MOGAT1: variants seen among roughly 807,000 people sequenced by gnomAD.
MOGAT1 encodes the protein 2-acylglycerol O-acyltransferase 1.
Under a neutral mutation model 31.4 loss-of-function variants are expected in MOGAT1, and 32 were observed. The observed-to-expected ratio is 1.02, with a 90% CI of 0.77 to 1.37. The LOEUF (loss-of-function observed/expected upper bound fraction) is 1.37, where lower values mean the gene tolerates loss of function less well. Ranked by LOEUF, MOGAT1 falls within the 40% of genes most tolerant of loss-of-function variation. The pLI is 0.00. For missense variants in MOGAT1, 426 were observed against 402.0 expected (o/e 1.06, Z -0.51); for synonymous variants, 145 against 144.5 (o/e 1.00, Z -0.03).
At chr2:222,704,116 T>C (rs772139507) in intron 5 of MOGAT1, among the ~76,000 whole-genome samples, 2 of 152,224 alleles carry the variant, frequency 1.3e-5, no homozygotes, top group Non-Finnish European at 2.9e-5. Flanking sequence ...CTGTCACAAG[T>C]AGGCGTTGGC....
At chr2:222,675,681 G>A (rs898305845) in intron 1 of MOGAT1, among the ~76,000 whole-genome samples, 9 of 151,846 alleles carry the variant, frequency 5.9e-5, no homozygotes, top group Non-Finnish European at 8.8e-5. Context: ...GGGTTTCACC[G>A]TGTTAGCCAG....
At chr2:222,703,735 C>T (rs944991331) in intron 5 of MOGAT1, among the ~76,000 whole-genome samples, 1 of 152,166 alleles carries the variant, frequency 6.6e-6, no homozygotes, top group East Asian at 1.9e-4. Context: ...CTCTAATATA[C>T]AGCTATGTAG....
chr2:222,686,404 C>T (rs1336541683), intron 1 of MOGAT1, among the ~76,000 whole-genome samples: 1 of 152,228 alleles, frequency 6.6e-6, no homozygotes, highest in Non-Finnish European at 1.5e-5. Context: ...ACTATTCTTT[C>T]CCTGCCCTAT....
rs747143140 is a variant in MOGAT1 at position 222,688,421 on chromosome 2, C to T, written c.172C>T (p.Leu58Phe). ...CCTTTACATCCCTTATTTGATGTGG[C>T]TTTACTTTGACTGGCATACCCCAGA... ...LFLYIPYLMW[L>F]YFDWHTPERG... The change falls in exon 2 of 6, where the codon CTT becomes TTT. Residue 58 changes from leucine to phenylalanine, a missense_variant. By Grantham distance (22) the Leu-to-Phe change is conservative. Coordinates refer to ENST00000446656, the MANE Select transcript of MOGAT1 (RefSeq NM_058165.3). The T allele has an allele frequency of 1.9e-6, 3 of 1,613,648 alleles. No individual in the cohort carries two copies. The South Asian group carries it at 3.3e-5, about 18-fold the overall frequency.
intron 1 of MOGAT1, among the ~76,000 whole-genome samples, chr2:222,685,371 C>T (rs1464231938): frequency 1.3e-5 from 2 of 152,086 alleles, no homozygotes; most frequent in Non-Finnish European, 2.9e-5. Flanking sequence ...CTGTCATAAG[C>T]CCATTTTACT....
rs1692811751 is a variant in MOGAT1, at chr2:222,694,472, C to T, written c.589C>T (p.Pro197Ser). 1 of 1,613,880 alleles carries T rather than the reference C, an allele frequency of 6.2e-7. No individual in the cohort carries two copies. Among genetic ancestry groups the T allele is most frequent in the Non-Finnish European group, 8.5e-7 (1 of 1,179,846 alleles). ...GGAKESLDAH[P>S]GKFTLFIRQR... ...TGCAAAAGAATCACTGGATGCTCAT[C>T]CTGGAAAGTTCACTCTGTTCATCCG... is the stretch of plus-strand genomic sequence containing the variant. Residue 197 changes from proline to serine, a missense_variant, in exon 4 of 6, where the codon CCT becomes TCT. By Grantham distance (74) the Pro-to-Ser change is moderately conservative (BLOSUM62 -1). Transcript: ENST00000446656.
rs148652189 is a variant in MOGAT1 at position 222,689,573 on chromosome 2, A to T, written c.478+104A>T. On this transcript the variant is annotated intron_variant, in intron 3 of 5. Coordinates refer to ENST00000446656, the MANE Select transcript of MOGAT1 (RefSeq NM_058165.3). The stretch of plus-strand genomic sequence containing the variant: ...TGTGTTTATGGTCTCTTAGAGTAAA[A>T]CCTGTTTTATCCTCATCTGGCACTT... 2.4e-5 allele frequency: 26 copies of T among 1,095,000 alleles called. No individual in the cohort carries two copies. The African/African-American group carries it at 3.4e-4, about 14-fold the overall frequency. The allele number at this position is 1,095,000 out of a possible 1,614,324, so 67.8% of individuals were successfully genotyped here.
chr2:222,687,377 C>T (rs1024253784), intron 1 of MOGAT1, among the ~76,000 whole-genome samples: 1 of 152,066 alleles, frequency 6.6e-6, no homozygotes, highest in Non-Finnish European at 1.5e-5. Context: ...AAAGCAGCAA[C>T]GGCATTCCTT....
At chr2:222,691,920 T>G (rs1469961749) in intron 3 of MOGAT1, among the ~76,000 whole-genome samples, 1 of 152,260 alleles carries the variant, frequency 6.6e-6, no homozygotes. Context: ...CTATCAGGTG[T>G]CAGCCAGAGC....
intron 1 of MOGAT1, among the ~76,000 whole-genome samples, chr2:222,681,226 G>A (rs1692575944): frequency 6.6e-6 from 1 of 152,194 alleles, no homozygotes; most frequent in South Asian, 2.1e-4. Context: ...TCTCACAGGT[G>A]AAGAGCTCAG....
intron 1 of MOGAT1, among the ~76,000 whole-genome samples, chr2:222,674,965 C>T (rs1692473618): frequency 6.6e-6 from 1 of 152,174 alleles, no homozygotes; most frequent in African/African-American, 2.4e-5. Context: ...GCCACTGCAC[C>T]CAGACAAAAT....
intron 1 of MOGAT1, among the ~76,000 whole-genome samples, chr2:222,685,918 G>A (rs1692658723): frequency 1.3e-5 from 2 of 151,966 alleles, no homozygotes. Context: ...TTCTTTTGAT[G>A]TAAAACATGT....
intron 3 of MOGAT1, among the ~76,000 whole-genome samples, chr2:222,690,841 G>T (rs1475581509): frequency 6.6e-6 from 1 of 152,214 alleles, no homozygotes; most frequent in African/African-American, 2.4e-5. Context: ...GGGGTTGGGG[G>T]GGAATTACTT....
intron 5 of MOGAT1, chr2:222,699,099 G>A (rs1692878506): frequency 6.6e-6 from 1 of 150,526 alleles, no homozygotes; most frequent in African/African-American, 2.5e-5. Context: ...GGCCTCCCAG[G>A]TTCAAGCAAT....
intron 5 of MOGAT1, among the ~76,000 whole-genome samples, chr2:222,708,375 C>T (rs528375107): frequency 6.6e-6 from 1 of 152,304 alleles, no homozygotes; most frequent in East Asian, 1.9e-4. Flanking sequence ...TGAGACACTG[C>T]GCCCGGCCAT....
chr2:222,695,418 TTTGAG>T, intron 5 of MOGAT1, 130 bp downstream of exon 5: 1 of 569,346 alleles, frequency 1.8e-6, no homozygotes, highest in Non-Finnish European at 3.0e-6. Flanking sequence ...GTAGATGTTA[TTTGAG>T]TTTTGTTTCT....
intron 1 of MOGAT1, among the ~76,000 whole-genome samples, chr2:222,685,632 C>T (rs1220180280): frequency 1.6e-5 from 2 of 124,296 alleles, no homozygotes; most frequent in Non-Finnish European, 3.2e-5. Context: ...AGGAGTCTCT[C>T]TCTTGTTGCC....
At chr2:222,688,971 T>A (rs1388200100) in intron 2 of MOGAT1, among the ~76,000 whole-genome samples, 1 of 152,232 alleles carries the variant, frequency 6.6e-6, no homozygotes, top group African/African-American at 2.4e-5. Flanking sequence ...GATTAAGTTT[T>A]TAAACACTTA....
At chr2:222,695,011 G>A in intron 4 of MOGAT1, 78 bp from the exon 5 acceptor site, 1 of 1,168,916 alleles carries the variant, frequency 8.6e-7, no homozygotes, top group Middle Eastern at 2.0e-4. Context: ...AGAAGTTGTT[G>A]CAAGAGTCAG....
Sources: allele counts gnomAD v4.1 joint callset (sites outside exome capture counted in the v4.1 genomes callset), GRCh38; gene constraint gnomAD v4.1.1; transcripts MANE v1.5; gene names NCBI Gene and HGNC (gene_info 2026-07-23, HGNC 2026-07-21).